The following HTR1F variants were observed in gnomAD, a reference collection of about 807,000 sequenced individuals.
The protein encoded by HTR1F is 5-hydroxytryptamine (serotonin) receptor 1F, G protein-coupled.
HTR1F carries 17 observed loss-of-function variants against 24.0 expected under a neutral mutation model. The observed-to-expected ratio is 0.71, with a 90% CI of 0.48 to 1.06. HTR1F has a LOEUF of 1.06. Ranked by LOEUF, HTR1F falls within the 50% of genes least tolerant of loss-of-function variation. The pLI, the probability that HTR1F is intolerant of heterozygous loss-of-function variation, is 0.00. For missense variants in HTR1F, 391 were observed against 427.8 expected (o/e 0.91, Z 0.76); for synonymous variants, 186 against 156.8 (o/e 1.19, Z -1.39).
At chr3:87,873,535 C>A (rs1438214925) in intron 2 of HTR1F, among the ~76,000 whole-genome samples, 1 of 152,144 alleles carries the variant, frequency 6.6e-6, no homozygotes, top group Non-Finnish European at 1.5e-5. Flanking sequence ...ACTCAGGCTG[C>A]TGATTCAGAT....
intron 2 of HTR1F, among the ~76,000 whole-genome samples, chr3:87,860,047 A>T (rs1351332230): frequency 1.3e-5 from 2 of 152,228 alleles, no homozygotes; most frequent in Admixed American, 6.5e-5. Flanking sequence ...GTGGCCAGTT[A>T]TGAAAAGTAT....
intron 2 of HTR1F, among the ~76,000 whole-genome samples, chr3:87,915,106 T>C (rs1236828191): frequency 6.6e-6 from 1 of 151,940 alleles, no homozygotes. Context: ...GAGACAACAA[T>C]CACTGCAGCT....
At chr3:87,899,890 G>A (rs1706284474) in intron 2 of HTR1F, among the ~76,000 whole-genome samples, 1 of 152,032 alleles carries the variant, frequency 6.6e-6, no homozygotes, top group Non-Finnish European at 1.5e-5. Flanking sequence ...AAAAATCGCA[G>A]TCTATCATTT....
chr3:87,873,739 G>A (rs1705609927), intron 2 of HTR1F, among the ~76,000 whole-genome samples: 3 of 152,038 alleles, frequency 2.0e-5, no homozygotes, highest in Non-Finnish European at 4.4e-5. Flanking sequence ...ATGACCAAAT[G>A]GGATTTATTC....
At chr3:87,893,900 C>T (rs923937684) in intron 2 of HTR1F, among the ~76,000 whole-genome samples, 4 of 152,148 alleles carry the variant, frequency 2.6e-5, no homozygotes, top group African/African-American at 9.7e-5. Flanking sequence ...CATTGTATTA[C>T]AGTCCTTACC....
intron 2 of HTR1F, among the ~76,000 whole-genome samples, chr3:87,958,294 T>TTTTTTG (rs539583053): frequency 6.7e-6 from 1 of 149,328 alleles, no homozygotes; most frequent in Non-Finnish European, 1.5e-5. Flanking sequence ...TGGGTGGTTG[T>TTTTTTG]TTTTTGTTTT....
chr3:87,935,886 T>C (rs9844893), intron 2 of HTR1F, among the ~76,000 whole-genome samples: 61,498 of 151,686 alleles, frequency 0.41, 12,850 homozygotes, highest in African/African-American at 0.5. Context: ...AGTCTCGCTC[T>C]GTCACCCAGG....
At chr3:87,914,551 T>A (rs1242659205) in intron 2 of HTR1F, among the ~76,000 whole-genome samples, 2 of 151,910 alleles carry the variant, frequency 1.3e-5, no homozygotes, top group Non-Finnish European at 2.9e-5. Flanking sequence ...AGGAGACAGG[T>A]GAGGCCTGTA....
intron 2 of HTR1F, among the ~76,000 whole-genome samples, chr3:87,958,417 T>C (rs1214255516): frequency 6.6e-6 from 1 of 151,632 alleles, no homozygotes; most frequent in Non-Finnish European, 1.5e-5. Context: ...TCTCTTTAAT[T>C]CTGTGTGCCC....
Position 87,820,876 on chromosome 3 carries a change from AT to A in HTR1F, c.-159-1131del, listed in dbSNP as rs1489020432. On this transcript the variant is annotated intron_variant, in intron 1 of 2. Transcript: ENST00000319595. ...TCTGCATGACTATTAACTCAGGTAA[AT>A]CAAATTAAAATTTATCTTGAGTGGT... is the stretch of plus-strand genomic sequence containing the variant. Among the ~76,000 whole-genome samples the A allele has an allele frequency of 2.0e-5, 3 of 152,268 alleles. No individual in the cohort carries two copies. In the South Asian group the frequency reaches 6.2e-4, roughly 32 times the overall value.
At chr3:87,907,153 A>G (rs1703684368) in intron 2 of HTR1F, among the ~76,000 whole-genome samples, 1 of 151,602 alleles carries the variant, frequency 6.6e-6, no homozygotes, top group Non-Finnish European at 1.5e-5. Flanking sequence ...ATTCCCACCA[A>G]CATGTAAAAG....
intron 2 of HTR1F, among the ~76,000 whole-genome samples, chr3:87,962,438 G>A (rs570478385): frequency 3.9e-5 from 6 of 152,080 alleles, no homozygotes; most frequent in Non-Finnish European, 8.8e-5. Context: ...CTAAAGATAA[G>A]CCGAGAGAAA....
At chr3:87,967,448 A>C (rs1253854946) in intron 2 of HTR1F, among the ~76,000 whole-genome samples, 1 of 7,260 alleles carries the variant, frequency 1.4e-4, no homozygotes, top group East Asian at 0.042. Flanking sequence ...AAACTGTCTC[A>C]AAAAAAAAAA....
chr3:87,849,813 T>G (rs897195091), intron 2 of HTR1F, among the ~76,000 whole-genome samples: 1 of 151,926 alleles, frequency 6.6e-6, no homozygotes, highest in African/African-American at 2.4e-5. Flanking sequence ...GAACAGACGC[T>G]TCTCAAAAGA....
intron 1 of HTR1F, among the ~76,000 whole-genome samples, chr3:87,820,404 C>T (rs1704336739): frequency 1.3e-5 from 2 of 151,936 alleles, no homozygotes; most frequent in African/African-American, 4.8e-5. Flanking sequence ...TCTCGATCTC[C>T]TGACCTCGTG....
chr3:87,931,871 C>T (rs1419442174), intron 2 of HTR1F, among the ~76,000 whole-genome samples: 1 of 150,542 alleles, frequency 6.6e-6, no homozygotes, highest in Non-Finnish European at 1.5e-5. Flanking sequence ...TGTTCATATC[C>T]TTTGCCCACT....
chr3:87,857,368 G>A (rs1045227221), intron 2 of HTR1F, among the ~76,000 whole-genome samples: 2 of 151,952 alleles, frequency 1.3e-5, no homozygotes, highest in African/African-American at 4.8e-5. Context: ...ATATAAAATA[G>A]GAAATAGATG....
chr3:87,941,536 C>A (rs1375301012), intron 2 of HTR1F, among the ~76,000 whole-genome samples: 1 of 152,130 alleles, frequency 6.6e-6, no homozygotes, highest in Non-Finnish European at 1.5e-5. Context: ...AGTAACTTAG[C>A]CCCGTACTGA....
rs1184305325 is a variant in HTR1F at position 87,831,866 on chromosome 3, A to G, written c.-43+9742A>G. On this transcript the variant is annotated intron_variant, in intron 2 of 2. Transcript: ENST00000319595. ...TATCTTTGACACATGTTTATTTTATATTTTTATGAGCCACATTGCTAACTT... is the reference window on the plus strand; with the variant it reads ...TATCTTTGACACATGTTTATTTTATGTTTTTATGAGCCACATTGCTAACTT... 3.3e-5 allele frequency among the ~76,000 whole-genome samples: 5 copies of G among 152,180 alleles called. No individual in the cohort carries two copies. In the South Asian group the frequency reaches 8.3e-4, roughly 25 times the overall value.
Sources: gnomAD v4.1 joint callset for allele counts (sites outside exome capture counted in the v4.1 genomes callset) on GRCh38, gnomAD v4.1.1 for gene constraint, MANE v1.5 for transcripts, NCBI Gene and HGNC (gene_info 2026-07-23, HGNC 2026-07-21) for gene names.